The following NCAPD3 variants were observed in gnomAD, a reference collection of about 807,000 sequenced individuals.
NCAPD3 encodes the protein non-SMC condensin II complex subunit D3, also known as condensin-2 complex subunit D3.
NCAPD3 carries 105 observed loss-of-function variants against 182.9 expected under a neutral mutation model. The observed-to-expected ratio is 0.57, with a 90% CI of 0.49 to 0.68. The LOEUF (loss-of-function observed/expected upper bound fraction) is 0.68, where lower values mean the gene tolerates loss of function less well. Ranked by LOEUF, NCAPD3 falls within the 30% of genes least tolerant of loss-of-function variation. The pLI, the probability that NCAPD3 is intolerant of heterozygous loss-of-function variation, is 0.00. For missense variants in NCAPD3, 1,944 were observed against 1,837.0 expected (o/e 1.06, Z -1.07); for synonymous variants, 815 against 679.9 (o/e 1.20, Z -3.09).
chr11:134,177,534 C>T, intron 22 of NCAPD3, 77 bp from the exon 23 acceptor site: 2 of 1,275,746 alleles, frequency 1.6e-6, no homozygotes, highest in South Asian at 1.3e-5. Flanking sequence ...CCAGATACAT[C>T]TTGCTAATGG....
At chr11:134,162,757 T>C (rs924010394) in intron 27 of NCAPD3, among the ~76,000 whole-genome samples, 5 of 152,236 alleles carry the variant, frequency 3.3e-5, no homozygotes, top group African/African-American at 9.7e-5. Flanking sequence ...ACAAGTATTA[T>C]CAAGCACCTT....
intron 4 of NCAPD3, 192 bp from the exon 5 acceptor site, chr11:134,209,669 C>T: frequency 1.8e-6 from 1 of 557,260 alleles, no homozygotes; most frequent in South Asian, 2.4e-5. Context: ...GACTAGATGA[C>T]CGCTACAGTA....
rs181154047 is a variant in NCAPD3, at chr11:134,176,189, C to G, written c.3101+118G>C. On this transcript the variant is annotated intron_variant, in intron 24 of 34. Transcript: ENST00000534548. ...AAAAATCTGCTAATTTTCCTGGCAC[C>G]TACCGAAAGCTCACTAAATCCTACT... 2,493 of 804,432 alleles carry G rather than the reference C, an allele frequency of 3.1e-3. 8 individuals carry two copies. The highest frequency in any genetic ancestry group is 5.9e-3 in the South Asian group (317 of 54,166). The allele number at this position is 804,432 out of a possible 1,614,324, so 49.8% of individuals were successfully genotyped here. A position where few individuals can be genotyped will look rare whatever the true frequency, so the allele number is the denominator to read the frequency against.
At chr11:134,184,810 TAC>T (rs60568256) in intron 18 of NCAPD3, 58 bp from the exon 19 acceptor site, 35,640 of 998,072 alleles carry the variant, frequency 0.036, 228 homozygotes, top group African/African-American at 0.058. Context: ...CAGGTATATA[TAC>T]ACACACACAC....
chr11:134,209,741 C>T (rs1422545819), intron 4 of NCAPD3: 3 of 385,862 alleles, frequency 7.8e-6, no homozygotes, highest in African/African-American at 6.2e-5. Flanking sequence ...CTATGAAATT[C>T]TGTCATTCTA....
In NCAPD3 at chr11:134,186,984, GTAA is replaced by G. The variant is rs1378682535; in HGVS notation, c.2046-1461_2046-1459del. Among the ~76,000 whole-genome samples, 5 of 152,132 alleles carry G rather than the reference GTAA, an allele frequency of 3.3e-5. 1 individual carries two copies. Among genetic ancestry groups the G allele is most frequent in the African/African-American group, 1.2e-4 (5 of 41,420 alleles). On this transcript the variant is annotated intron_variant, in intron 16 of 34. Coordinates refer to ENST00000534548, the MANE Select transcript of NCAPD3 (RefSeq NM_015261.3). ...TAAAAATAACGATATAAAATATTAA[GTAA>G]TGTTTATTATATGTAGCCAACAGAA...
At position 134,153,344 on chromosome 11, in the gene NCAPD3, C is replaced by A; in HGVS notation, c.4272G>T (p.Thr1424=). 2 of 1,614,182 alleles carry A rather than the reference C, an allele frequency of 1.2e-6. No individual in the cohort carries two copies. ...STPEKSISDV[T]FGAGVSYIGT... is the part of the protein sequence containing the mutation. ...CGATGTAACTGACCCCTGCTCCAAA[C>A]GTGACATCACTGATGCTCTCTGCAT... The change falls in exon 33 of 35, where the codon ACG becomes ACT. Residue 1424 remains threonine, a synonymous_variant. Transcript: ENST00000534548.
intron 28 of NCAPD3, among the ~76,000 whole-genome samples, chr11:134,160,929 G>A (rs1029080513): frequency 6.6e-6 from 1 of 151,298 alleles, no homozygotes; most frequent in Non-Finnish European, 1.5e-5. Flanking sequence ...GTCTATGTAG[G>A]ATCAAAGCTC....
At chr11:134,161,711 T>A in intron 28 of NCAPD3, 70 bp downstream of exon 28, 2 of 933,874 alleles carry the variant, frequency 2.1e-6, no homozygotes, top group Non-Finnish European at 3.4e-6. Flanking sequence ...TGCACTGTCA[T>A]AACTGGCAGA....
intron 16 of NCAPD3, among the ~76,000 whole-genome samples, chr11:134,187,153 CACTA>C: frequency 6.6e-6 from 1 of 152,196 alleles, no homozygotes; most frequent in East Asian, 1.9e-4. Context: ...TGACCCAACA[CACTA>C]ACTTCTATCT....
chr11:134,198,823 A>G (rs1944689355), intron 13 of NCAPD3, among the ~76,000 whole-genome samples: 1 of 152,246 alleles, frequency 6.6e-6, no homozygotes. Context: ...TTCAGAAATG[A>G]AATTAAGAGA....
intron 27 of NCAPD3, among the ~76,000 whole-genome samples, chr11:134,164,284 G>C (rs1454222222): frequency 6.6e-6 from 1 of 152,232 alleles, no homozygotes; most frequent in Admixed American, 6.5e-5. Context: ...AACTGTGGGA[G>C]AAAGAGGAGA....
chr11:134,210,233 G>T, intron 4 of NCAPD3, 37 bp downstream of exon 4: 1 of 1,541,554 alleles, frequency 6.5e-7, no homozygotes, highest in Non-Finnish European at 8.8e-7. Flanking sequence ...CAAATCGTGT[G>T]TTGGTATATA....
At chr11:134,223,702 C>T (rs1220715380) in intron 1 of NCAPD3, among the ~76,000 whole-genome samples, 161 bp downstream of exon 1, 3 of 152,204 alleles carry the variant, frequency 2.0e-5, no homozygotes, top group South Asian at 4.1e-4. Flanking sequence ...ACCTGGCTAG[C>T]CGCAATCCTG....
chr11:134,225,248 C>T, upstream of NCAPD3: 1 of 1,614,140 alleles, frequency 6.2e-7, no homozygotes, highest in Non-Finnish European at 8.5e-7. Flanking sequence ...TCTTCTACGA[C>T]GGGGAGACGG....
At chr11:134,167,264 G>GA (rs778260178) in intron 27 of NCAPD3, among the ~76,000 whole-genome samples, 19 of 139,450 alleles carry the variant, frequency 1.4e-4, no homozygotes, top group East Asian at 4.6e-4. Context: ...TGAGCTTAGG[G>GA]GAGCAGCACA....
intron 1 of NCAPD3, chr11:134,223,506 TAA>T: frequency 2.8e-6 from 2 of 701,780 alleles, no homozygotes. Flanking sequence ...GTTCAAGAAA[TAA>T]GTCTGGCGGA....
chr11:134,207,742 CAAAAAAA>C (rs34965902), intron 7 of NCAPD3, among the ~76,000 whole-genome samples: 2 of 62,100 alleles, frequency 3.2e-5, no homozygotes, highest in African/African-American at 5.7e-5. Context: ...GACTGCGTCT[CAAAAAAA>C]AAAAAAAAAA....
chr11:134,207,357 A>G (rs985022385), intron 7 of NCAPD3, among the ~76,000 whole-genome samples: 1 of 152,168 alleles, frequency 6.6e-6, no homozygotes, highest in Admixed American at 6.5e-5. Context: ...ACAGATAATT[A>G]AAAAAAGCTC....
Sources: allele counts gnomAD v4.1 joint callset (sites outside exome capture counted in the v4.1 genomes callset), GRCh38; gene constraint gnomAD v4.1.1; transcripts MANE v1.5; gene names NCBI Gene and HGNC (gene_info 2026-07-23, HGNC 2026-07-21).